The following ROCK1 variants were observed in gnomAD, a reference collection of about 807,000 sequenced individuals.
ROCK1 encodes rho-associated protein kinase 1.
ROCK1 carries 36 observed loss-of-function variants against 196.8 expected under a neutral mutation model. The ratio of observed to expected loss-of-function variants is 0.18; its 90% CI spans 0.14 to 0.24. The LOEUF (loss-of-function observed/expected upper bound fraction) is 0.24, where lower values mean the gene tolerates loss of function less well. ROCK1 is among the 10% of genes least tolerant of loss of function. The pLI is 1.00. For synonymous variants in ROCK1, 443 were observed against 515.9 expected, an observed-to-expected ratio of 0.86 and a Z score of 1.91; for missense variants, 920 against 1,562.0, an observed-to-expected ratio of 0.59 and a Z score of 6.93.
chr18:21,012,740 C>CCTA (rs1193061875), intron 13 of ROCK1, among the ~76,000 whole-genome samples: 2 of 152,122 alleles, frequency 1.3e-5, no homozygotes, highest in East Asian at 3.9e-4. Flanking sequence ...TTTCTCCTCT[C>CCTA]CTTTAGTAAT....
rs779340965 is a variant in ROCK1, at chr18:21,110,989, TTCGCA to T, written c.-84_-80del. The T allele has an allele frequency of 1.6e-6, 2 of 1,226,412 alleles. No homozygotes were observed. The highest frequency in any genetic ancestry group is 2.4e-6 in the Non-Finnish European group (2 of 836,310). 76.0% of individuals were successfully genotyped at this position (1,226,412 alleles called of 1,614,324 possible). ...TTCAACCAACTTCCTCCGCGGTGGGTTCGCAGCCGCGGGGCGGAGGAGCCGGAACC... is the reference window on the plus strand; with the variant it reads ...TTCAACCAACTTCCTCCGCGGTGGGTGCCGCGGGGCGGAGGAGCCGGAACC... On this transcript the variant is annotated 5_prime_UTR_variant, in exon 1 of 33. Transcript: ENST00000399799.
At chr18:20,980,915 CAAAA>C (rs570087798) in intron 21 of ROCK1, among the ~76,000 whole-genome samples, 3 of 55,758 alleles carry the variant, frequency 5.4e-5, no homozygotes, top group African/African-American at 6.6e-5. Flanking sequence ...GATTCCATCT[CAAAA>C]AAAAAAAAAA....
chr18:21,073,969 A>C (rs2143556812), intron 1 of ROCK1, among the ~76,000 whole-genome samples: 1 of 152,274 alleles, frequency 6.6e-6, no homozygotes, highest in East Asian at 1.9e-4. Context: ...CCTAGACAAC[A>C]TAGCAAGACC....
At position 20,947,444 on chromosome 18, in the gene ROCK1, C is replaced by T. The variant is rs1305686932; in HGVS notation, c.*3940G>A. The T allele has an allele frequency of 2.6e-5, 4 of 152,098 alleles. No individual in the cohort carries two copies. The highest frequency in any genetic ancestry group is 1.5e-5 in the Non-Finnish European group (1 of 68,034). 9.4% of individuals were successfully genotyped at this position (152,098 alleles called of 1,614,324 possible). ...ATAAAAGATTTGGCAGTAAATATAT[C>T]TAGGCCATTGAGCATGGCTTTATAT... On this transcript the variant is annotated 3_prime_UTR_variant, in exon 33 of 33. Transcript: ENST00000399799.
At chr18:21,091,747 G>C (rs2036571773) in intron 1 of ROCK1, among the ~76,000 whole-genome samples, 1 of 152,186 alleles carries the variant, frequency 6.6e-6, no homozygotes. Context: ...GAGGCGAGTG[G>C]ATCACTTGAG....
intron 6 of ROCK1, among the ~76,000 whole-genome samples, chr18:21,043,475 T>C (rs1281740774): frequency 6.6e-6 from 1 of 150,574 alleles, no homozygotes; most frequent in Admixed American, 6.6e-5. Context: ...GAATAACATA[T>C]ACACAGCTCC....
chr18:21,023,888 TAGC>T (rs1248542785), intron 10 of ROCK1, among the ~76,000 whole-genome samples: 2 of 152,072 alleles, frequency 1.3e-5, no homozygotes, highest in Non-Finnish European at 2.9e-5. Flanking sequence ...CTAAAAATAG[TAGC>T]AGCCTGTAAA....
At chr18:21,058,678 C>G (rs1486969229) in intron 2 of ROCK1, among the ~76,000 whole-genome samples, 1 of 152,166 alleles carries the variant, frequency 6.6e-6, no homozygotes, top group Non-Finnish European at 1.5e-5. Flanking sequence ...CCTCGGAGTT[C>G]AAGCGATTCT....
At chr18:20,968,146 T>C (rs2035391546) in intron 25 of ROCK1, among the ~76,000 whole-genome samples, 3 of 152,148 alleles carry the variant, frequency 2.0e-5, no homozygotes, top group Admixed American at 2.0e-4. Flanking sequence ...CAGGAGCCTT[T>C]CTTTGGTTAA....
intron 18 of ROCK1, among the ~76,000 whole-genome samples, chr18:20,990,503 G>C (rs1395256788): frequency 6.6e-6 from 1 of 151,620 alleles, no homozygotes; most frequent in Non-Finnish European, 1.5e-5. Context: ...AGACCAGCCT[G>C]TCCAACATAG....
At chr18:21,056,111 A>G (rs1231187996) in intron 2 of ROCK1, among the ~76,000 whole-genome samples, 1 of 152,062 alleles carries the variant, frequency 6.6e-6, no homozygotes, top group Non-Finnish European at 1.5e-5. Context: ...CAGATTTCTT[A>G]ACACTGGAGC....
At chr18:20,984,326 T>C in intron 20 of ROCK1, 25 bp downstream of exon 20, 1 of 1,539,304 alleles carries the variant, frequency 6.5e-7, no homozygotes, top group Non-Finnish European at 8.9e-7. Flanking sequence ...AAGAAAGAAA[T>C]CACAATGTTA....
intron 11 of ROCK1, among the ~76,000 whole-genome samples, chr18:21,021,986 T>C (rs538559964): frequency 5.5e-4 from 84 of 152,290 alleles, no homozygotes; most frequent in African/African-American, 1.9e-3. Context: ...AGTACTCATA[T>C]AGTTCCTTCA....
At chr18:21,050,970 C>A (rs1280175215) in intron 2 of ROCK1, among the ~76,000 whole-genome samples, 1 of 151,926 alleles carries the variant, frequency 6.6e-6, no homozygotes, top group Non-Finnish European at 1.5e-5. Flanking sequence ...GCAAATAAAA[C>A]AGAAACAATG....
At chr18:21,008,525 A>C (rs1278892240) in intron 13 of ROCK1, among the ~76,000 whole-genome samples, 1 of 152,182 alleles carries the variant, frequency 6.6e-6, no homozygotes, top group Non-Finnish European at 1.5e-5. Context: ...CGCCTGCCTC[A>C]GCCTCCCAAA....
chr18:21,083,500 T>G (rs570620827), intron 1 of ROCK1, among the ~76,000 whole-genome samples: 1 of 151,994 alleles, frequency 6.6e-6, no homozygotes, highest in Non-Finnish European at 1.5e-5. Context: ...TCAAACAACA[T>G]AAGTTTCAAC....
chr18:20,947,549 G>C lies in ROCK1; in HGVS notation c.*3835C>G, dbSNP rs1215066470. ...GAATAATTGTGATTAAGATTTCCAA[G>C]TGTCAGGCCAGGCACGGTGGCCTAC... On this transcript the variant is annotated 3_prime_UTR_variant, in exon 33 of 33. Transcript: ENST00000399799. The C allele has an allele frequency of 6.6e-6, 1 of 151,964 alleles. No homozygotes were observed. The highest frequency in any genetic ancestry group is 6.6e-5 in the Admixed American group (1 of 15,230). 9.4% of individuals were successfully genotyped at this position (151,964 alleles called of 1,614,324 possible). A position where few individuals can be genotyped will look rare whatever the true frequency, so the allele number is the denominator to read the frequency against.
At chr18:21,007,883 A>G (rs916884551) in intron 14 of ROCK1, among the ~76,000 whole-genome samples, 176 bp downstream of exon 14, 1 of 152,150 alleles carries the variant, frequency 6.6e-6, no homozygotes, top group African/African-American at 2.4e-5. Context: ...ATGTAATTTA[A>G]TATTTAATTT....
chr18:21,100,669 C>T (rs984899402), intron 1 of ROCK1, among the ~76,000 whole-genome samples: 2 of 151,634 alleles, frequency 1.3e-5, no homozygotes, highest in African/African-American at 4.9e-5. Flanking sequence ...ATCATATCAA[C>T]AGGCTCTTTT....
Sources: gnomAD v4.1 joint callset for allele counts (sites outside exome capture counted in the v4.1 genomes callset) on GRCh38, gnomAD v4.1.1 for gene constraint, MANE v1.5 for transcripts, NCBI Gene and HGNC (gene_info 2026-07-23, HGNC 2026-07-21) for gene names.